The following IQUB variants were observed in gnomAD, a reference collection of about 807,000 sequenced individuals.
IQUB encodes IQ motif and ubiquitin-like domain-containing protein.
Under a neutral mutation model 86.4 loss-of-function variants are expected in IQUB, and 86 were observed. That is an observed-to-expected ratio of 1.00 (90% CI 0.84 to 1.19). The LOEUF is 1.19. Ranked by LOEUF, IQUB falls within the 50% of genes most tolerant of loss-of-function variation. IQUB has a pLI of 0.00. For missense variants in IQUB, 946 were observed against 916.9 expected (o/e 1.03, Z -0.41); for synonymous variants, 289 against 304.5 (o/e 0.95, Z 0.53).
chr7:123,466,377 T>C (rs1258733262), intron 9 of IQUB, among the ~76,000 whole-genome samples: 4 of 152,178 alleles, frequency 2.6e-5, no homozygotes, highest in Admixed American at 6.6e-5. Flanking sequence ...TATATTGTAT[T>C]CCCTATGCAC....
At chr7:123,503,953 A>T (rs1562862986) in intron 3 of IQUB, among the ~76,000 whole-genome samples, 1 of 152,134 alleles carries the variant, frequency 6.6e-6, no homozygotes, top group African/African-American at 2.4e-5. Flanking sequence ...ATAAACATTT[A>T]AAAAATAAAG....
Position 123,503,293 on chromosome 7 carries a change from T to A in IQUB, c.603A>T (p.Glu201Asp). 1 of 1,604,626 alleles carries A rather than the reference T, an allele frequency of 6.2e-7. No homozygotes were observed. Among genetic ancestry groups the A allele is most frequent in the Non-Finnish European group, 8.5e-7 (1 of 1,172,062 alleles). The change falls in exon 4 of 13, where the codon GAA becomes GAT. Residue 201 changes from glutamate (E) to aspartate (D), a missense_variant. By Grantham distance (45) the Glu-to-Asp change is conservative. Transcript: ENST00000324698. ...GVKPQEIVQV[E>D]IFSTNPDLYP... ...ACAGATCTGGATTTGTAGAAAAGAT[T>A]TCCACTTGTACAATTTCCTGTGGCT...
chr7:123,492,028 A>G (rs1410876823), intron 7 of IQUB, among the ~76,000 whole-genome samples: 2 of 152,176 alleles, frequency 1.3e-5, no homozygotes, highest in Non-Finnish European at 2.9e-5. Context: ...TATTGCCCTT[A>G]TTAAATAGAC....
chr7:123,468,584 A>G (rs941649485), intron 9 of IQUB, among the ~76,000 whole-genome samples: 2 of 152,244 alleles, frequency 1.3e-5, no homozygotes, highest in African/African-American at 4.8e-5. Context: ...AATTCAGGAC[A>G]ACTCTGGATG....
chr7:123,521,528 T>C (rs1796902200), intron 1 of IQUB, among the ~76,000 whole-genome samples: 1 of 152,014 alleles, frequency 6.6e-6, no homozygotes, highest in Non-Finnish European at 1.5e-5. Flanking sequence ...GCACCTGCAA[T>C]TCTAATTACT....
At chr7:123,457,089 C>T (rs1264568027) in intron 12 of IQUB, 1 of 803,376 alleles carries the variant, frequency 1.2e-6, no homozygotes, top group African/African-American at 1.9e-5. Flanking sequence ...GTAAATAAGC[C>T]AAACAAAATC....
chr7:123,477,078 A>G (rs1794777410), intron 8 of IQUB, among the ~76,000 whole-genome samples: 1 of 152,132 alleles, frequency 6.6e-6, no homozygotes, highest in Non-Finnish European at 1.5e-5. Context: ...ACAGAATTGG[A>G]AAAAAACTAC....
intron 3 of IQUB, among the ~76,000 whole-genome samples, chr7:123,509,032 C>A (rs1796306552): frequency 6.6e-6 from 1 of 152,126 alleles, no homozygotes; most frequent in Non-Finnish European, 1.5e-5. Flanking sequence ...AATCACTTAT[C>A]TGAACACATG....
At position 123,452,715 on chromosome 7, in the gene IQUB, G is replaced by A. The variant is rs189953913; in HGVS notation, c.*28C>T. On this transcript the variant is annotated 3_prime_UTR_variant, in exon 13 of 13. Transcript: ENST00000324698. Reference sequence around the variant, plus strand: ...CCCTATTAGCAGTGAACAAAATGCCGATCATCAAACAAATACTCCTGGATC... The same window carrying A: ...CCCTATTAGCAGTGAACAAAATGCCAATCATCAAACAAATACTCCTGGATC... 2.3e-4 allele frequency: 352 copies of A among 1,549,360 alleles called. No homozygotes were observed. The highest frequency in any genetic ancestry group is 3.0e-4 in the Non-Finnish European group (338 of 1,129,092).
At chr7:123,490,274 T>C (rs763664381) in intron 7 of IQUB, among the ~76,000 whole-genome samples, 1 of 152,054 alleles carries the variant, frequency 6.6e-6, no homozygotes, top group Non-Finnish European at 1.5e-5. Context: ...AAAGTAGATT[T>C]AACAGCAAAA....
intron 5 of IQUB, 23 bp downstream of exon 5, chr7:123,502,921 A>G: frequency 5.0e-6 from 8 of 1,586,830 alleles, no homozygotes; most frequent in Non-Finnish European, 6.9e-6. Context: ...TCAAAAACCT[A>G]AAGAGACAAA....
chr7:123,464,423 A>G (rs988458511), intron 10 of IQUB, among the ~76,000 whole-genome samples: 1 of 151,862 alleles, frequency 6.6e-6, no homozygotes, highest in Non-Finnish European at 1.5e-5. Context: ...AAAGAATTTA[A>G]CTCCCTGTGA....
At chr7:123,479,710 C>A in intron 8 of IQUB, 85 bp downstream of exon 8, 1 of 934,060 alleles carries the variant, frequency 1.1e-6, no homozygotes, top group Non-Finnish European at 1.6e-6. Flanking sequence ...TAAGTTCTTG[C>A]AATCTAAGTC....
At chr7:123,520,726 A>G (rs1796865596) in intron 1 of IQUB, among the ~76,000 whole-genome samples, 1 of 152,158 alleles carries the variant, frequency 6.6e-6, no homozygotes, top group Non-Finnish European at 1.5e-5. Flanking sequence ...CTGGTAGGAC[A>G]TTAGGAGTCT....
intron 1 of IQUB, among the ~76,000 whole-genome samples, chr7:123,525,487 G>A (rs899428904): frequency 3.2e-4 from 48 of 152,172 alleles, no homozygotes; most frequent in South Asian, 1.2e-3. Context: ...GTTTATTTGC[G>A]TAGAGGTGTT....
chr7:123,496,778 T>C lies in IQUB; in HGVS notation c.1152A>G (p.Glu384=). 2 of 1,612,238 alleles carry C rather than the reference T, an allele frequency of 1.2e-6. No homozygotes were observed. The highest frequency in any genetic ancestry group is 1.7e-6 in the Non-Finnish European group (2 of 1,178,762). The change falls in exon 7 of 13, where the codon GAA becomes GAG. Residue 384 remains glutamate, a synonymous_variant. Transcript: ENST00000324698. ...QQELRKIREK[E]EWIKLDYHRR... Reference sequence around the variant, plus strand: ...GGTGATAGTCCAATTTTATCCATTCTTCTTTTTCTCTTATCTTCCTTAGTT... The same window carrying C: ...GGTGATAGTCCAATTTTATCCATTCCTCTTTTTCTCTTATCTTCCTTAGTT...
intron 1 of IQUB, among the ~76,000 whole-genome samples, chr7:123,520,660 A>G (rs1796860306): frequency 6.6e-6 from 1 of 152,170 alleles, no homozygotes; most frequent in African/African-American, 2.4e-5. Flanking sequence ...AGATGAAGCT[A>G]GAGACGAGGT....
chr7:123,509,806 T>A, intron 3 of IQUB, 95 bp downstream of exon 3: 1 of 1,044,742 alleles, frequency 9.6e-7, no homozygotes, highest in South Asian at 1.4e-5. Flanking sequence ...GTTCAATTAG[T>A]ACCAAGATAT....
At chr7:123,495,197 A>G (rs920394757) in intron 7 of IQUB, among the ~76,000 whole-genome samples, 1 of 152,070 alleles carries the variant, frequency 6.6e-6, no homozygotes, top group African/African-American at 2.4e-5. Context: ...CAGACACACA[A>G]TTCTAGGGAG....
Sources: gnomAD v4.1 joint callset for allele counts (sites outside exome capture counted in the v4.1 genomes callset) on GRCh38, gnomAD v4.1.1 for gene constraint, MANE v1.5 for transcripts, NCBI Gene and HGNC (gene_info 2026-07-23, HGNC 2026-07-21) for gene names.